The following NLRP5 variants were observed in gnomAD, a reference collection of about 807,000 sequenced individuals.
NLRP5 encodes the protein NACHT, LRR and PYD domains-containing protein 5.
Under a neutral mutation model 113.1 loss-of-function variants are expected in NLRP5, and 93 were observed. That is an observed-to-expected ratio of 0.82 (90% CI 0.70 to 0.98). The LOEUF (loss-of-function observed/expected upper bound fraction) is 0.98. Ranked by LOEUF, NLRP5 falls within the 50% of genes least tolerant of loss-of-function variation. The pLI is 0.00. For synonymous variants in NLRP5, 751 were observed against 600.7 expected (o/e 1.25, Z -3.66); for missense variants, 1,808 against 1,514.3 (o/e 1.19, Z -3.22).
At chr19:55,999,216 T>TTC (rs1555762567), upstream of NLRP5, among the ~76,000 whole-genome samples, 7 of 145,428 alleles carry the variant, frequency 4.8e-5, no homozygotes, top group African/African-American at 1.8e-4. Context: ...CTTTTTCTTT[T>TTC]TTTTTTTTTT....
In NLRP5 at chr19:56,028,121, T is replaced by G; in HGVS notation, c.1888T>G (p.Ser630Ala). 6.2e-7 allele frequency: 1 copy of G among 1,613,942 alleles called. No individual in the cohort carries two copies. Among genetic ancestry groups the G allele is most frequent in the South Asian group, 1.1e-5 (1 of 91,078 alleles). The change falls in exon 7 of 15, where the codon TCG (serine) becomes GCG (alanine). Residue 630 changes from serine (S) to alanine (A), a missense_variant. Physicochemically the swap from Ser to Ala is moderately conservative, Grantham distance 99. Transcript: ENST00000390649. ...TAAACAGGCAGGCTTCCATATCCACTCGCTTTGGATGAAGCGTTTCTTGTT... is the reference window on the plus strand; with the variant it reads ...TAAACAGGCAGGCTTCCATATCCACGCGCTTTGGATGAAGCGTTTCTTGTT...
chr19:56,044,882 T>C (rs777136967), intron 11 of NLRP5, among the ~76,000 whole-genome samples: 2 of 152,206 alleles, frequency 1.3e-5, no homozygotes, highest in Non-Finnish European at 2.9e-5. Context: ...GTGATTTCTT[T>C]CAGCAATGTT....
At chr19:56,037,747 G>T (rs1455017968) in intron 9 of NLRP5, among the ~76,000 whole-genome samples, 1 of 148,396 alleles carries the variant, frequency 6.7e-6, no homozygotes, top group Non-Finnish European at 1.5e-5. Flanking sequence ...TGAATGTTGA[G>T]ACAATGGAGG....
intron 9 of NLRP5, among the ~76,000 whole-genome samples, chr19:56,034,822 G>A (rs1422069400): frequency 8.9e-6 from 1 of 112,420 alleles, no homozygotes; most frequent in Middle Eastern, 5.5e-3. Flanking sequence ...GGACACGTTG[G>A]TTGGTTGGTT....
chr19:56,061,307 G>C (rs1984344077), intron 14 of NLRP5, 89 bp from the exon 15 acceptor site: 11 of 1,439,188 alleles, frequency 7.6e-6, no homozygotes, highest in South Asian at 2.7e-5. Context: ...AAAGGTTTGA[G>C]ATCCTTGATG....
intron 1 of NLRP5, among the ~76,000 whole-genome samples, chr19:56,002,578 T>C (rs1183771591): frequency 1.3e-5 from 2 of 151,328 alleles, no homozygotes. Context: ...ACTCATCATT[T>C]AGCATTAGGT....
At position 56,003,813 on chromosome 19, in the gene NLRP5, G is replaced by A; in HGVS notation, c.160G>A (p.Gly54Arg). 10 of 1,613,966 alleles carry A rather than the reference G, an allele frequency of 6.2e-6. No homozygotes were observed. Among genetic ancestry groups the A allele is most frequent in the Non-Finnish European group, 8.5e-6 (10 of 1,179,884 alleles). ...CTCTCAGCCTTGTATCAAGATGGAAGGAGACAAATCGCTCACCTTTTCCAG... is the reference window on the plus strand; with the variant it reads ...CTCTCAGCCTTGTATCAAGATGGAAAGAGACAAATCGCTCACCTTTTCCAG... The change falls in exon 2 of 15, where the codon GGA becomes AGA. Residue 54 changes from glycine (G) to arginine (R), a missense_variant. Physicochemically the swap from Gly to Arg is moderately radical, Grantham distance 125. Coordinates refer to ENST00000390649, the MANE Select transcript of NLRP5 (RefSeq NM_153447.4).
chr19:56,030,604 G>A (rs937110993), intron 7 of NLRP5, among the ~76,000 whole-genome samples: 29 of 151,934 alleles, frequency 1.9e-4, no homozygotes, highest in African/African-American at 6.8e-4. Flanking sequence ...GAAAACGTGC[G>A]CAGCCACAGG....
At chr19:56,052,838 C>G (rs948051656) in intron 12 of NLRP5, among the ~76,000 whole-genome samples, 11 of 152,250 alleles carry the variant, frequency 7.2e-5, no homozygotes, top group Non-Finnish European at 1.2e-4. Flanking sequence ...TTCTCTCCAT[C>G]TTGGCTCTGT....
chr19:56,007,440 C>T (rs1052744706), intron 2 of NLRP5, among the ~76,000 whole-genome samples: 6 of 149,970 alleles, frequency 4.0e-5, no homozygotes, highest in African/African-American at 1.5e-4. Flanking sequence ...AAGGAGTAAG[C>T]TTTAGGCTGA....
chr19:56,054,374 A>G (rs925195116), intron 13 of NLRP5, among the ~76,000 whole-genome samples: 3 of 152,180 alleles, frequency 2.0e-5, no homozygotes, highest in African/African-American at 7.2e-5. Flanking sequence ...CTGGGCCAAC[A>G]CTGGGAAACC....
intron 13 of NLRP5, among the ~76,000 whole-genome samples, chr19:56,055,686 C>T (rs1984115673): frequency 6.6e-6 from 1 of 151,490 alleles, no homozygotes; most frequent in African/African-American, 2.4e-5. Context: ...GCTGGGACTA[C>T]AGGTGCCCGC....
chr19:56,044,407 A>T (rs1386167351), intron 11 of NLRP5, among the ~76,000 whole-genome samples: 17 of 152,190 alleles, frequency 1.1e-4, no homozygotes, highest in Admixed American at 1.1e-3. Flanking sequence ...GTGAGAGATG[A>T]GGATCCGGTT....
chr19:56,047,429 T>G (rs1265893855), intron 11 of NLRP5, among the ~76,000 whole-genome samples: 1 of 151,106 alleles, frequency 6.6e-6, no homozygotes, highest in East Asian at 2.0e-4. Flanking sequence ...TTTGATAGAT[T>G]GTGTCATTGT....
intron 14 of NLRP5, among the ~76,000 whole-genome samples, chr19:56,059,210 A>G (rs1457821735): frequency 6.6e-6 from 1 of 152,204 alleles, no homozygotes; most frequent in African/African-American, 2.4e-5. Context: ...GCTCACACAC[A>G]TCATTTCAGC....
intron 6 of NLRP5, 144 bp from the exon 7 acceptor site, chr19:56,026,769 G>A: frequency 1.3e-6 from 1 of 764,666 alleles, no homozygotes; most frequent in South Asian, 1.9e-5. Flanking sequence ...TTAGAGACGG[G>A]GCTTTGCCAT....
chr19:56,041,920 T>C (rs965717942), intron 11 of NLRP5, among the ~76,000 whole-genome samples: 25 of 152,116 alleles, frequency 1.6e-4, no homozygotes, highest in Admixed American at 1.5e-3. Flanking sequence ...GATTGTGCCA[T>C]TGCACGCCAG....
intron 4 of NLRP5, among the ~76,000 whole-genome samples, chr19:56,016,599 T>C (rs944502662): frequency 6.6e-6 from 1 of 152,208 alleles, no homozygotes; most frequent in Non-Finnish European, 1.5e-5. Context: ...TTTCCAACTT[T>C]CCCGGTCCAC....
chr19:55,989,401 C>T, the NLRP5 span, among the ~76,000 whole-genome samples: 34 of 152,002 alleles, frequency 2.2e-4, no homozygotes, highest in Admixed American at 2.2e-3. Context: ...TACAGGTGCC[C>T]GCCACCACGC....
Sources: gnomAD v4.1 joint callset for allele counts (sites outside exome capture counted in the v4.1 genomes callset) on GRCh38, gnomAD v4.1.1 for gene constraint, MANE v1.5 for transcripts, NCBI Gene and HGNC (gene_info 2026-07-23, HGNC 2026-07-21) for gene names.